The following CARD8 variants were observed in gnomAD, a reference collection of about 807,000 sequenced individuals.
CARD8 encodes caspase recruitment domain-containing protein 8.
In CARD8, 38 loss-of-function variants were observed where a neutral mutation model predicts 53.2. The observed-to-expected ratio is 0.71, with a 90% CI of 0.55 to 0.94. CARD8 has a LOEUF of 0.94. Ranked by LOEUF, CARD8 falls within the 40% of genes least tolerant of loss-of-function variation. The pLI is 0.00. For missense variants in CARD8, 561 were observed against 655.5 expected (o/e 0.86, Z 1.57); for synonymous variants, 245 against 244.9 (o/e 1.00, Z 0.00).
At chr19:48,231,881 G>T in intron 7 of CARD8, 71 bp from the exon 8 acceptor site, 2 of 1,372,772 alleles carry the variant, frequency 1.5e-6, no homozygotes, top group Non-Finnish European at 2.1e-6. Flanking sequence ...ACTCCTGGAG[G>T]CTGAATTGCA....
At chr19:48,243,504 T>C (rs1032390160) in intron 3 of CARD8, among the ~76,000 whole-genome samples, 2 of 152,224 alleles carry the variant, frequency 1.3e-5, no homozygotes, top group Admixed American at 6.5e-5. Context: ...TTTATTCATG[T>C]TTAATTATTA....
intron 4 of CARD8, among the ~76,000 whole-genome samples, chr19:48,240,450 A>G: frequency 6.6e-6 from 1 of 152,184 alleles, no homozygotes; most frequent in Admixed American, 6.5e-5. Context: ...AAGGTCAGAA[A>G]CAGGGAAGGA....
chr19:48,213,790 C>G (rs1431097067), intron 13 of CARD8, among the ~76,000 whole-genome samples: 2 of 152,314 alleles, frequency 1.3e-5, no homozygotes, highest in Non-Finnish European at 2.9e-5. Flanking sequence ...CCCACCGTTC[C>G]CCACTTCCTA....
At chr19:48,246,744 A>G (rs561273786) in intron 3 of CARD8, among the ~76,000 whole-genome samples, 19 of 152,318 alleles carry the variant, frequency 1.2e-4, no homozygotes, top group African/African-American at 4.1e-4. Context: ...TGAAGATTAA[A>G]GCTACTCTTG....
chr19:48,215,169 C>A, intron 13 of CARD8, 171 bp downstream of exon 13: 1 of 543,032 alleles, frequency 1.8e-6, no homozygotes, highest in Non-Finnish European at 3.4e-6. Flanking sequence ...TTATGCCCCT[C>A]AGTCAAATTC....
At chr19:48,220,434 C>T (rs550348930) in intron 11 of CARD8, among the ~76,000 whole-genome samples, 74 of 148,980 alleles carry the variant, frequency 5.0e-4, no homozygotes, top group African/African-American at 1.3e-3. Flanking sequence ...AGGAAAAAGC[C>T]ATCTACGCCA....
intron 6 of CARD8, 37 bp from the exon 7 acceptor site, chr19:48,232,530 A>G: frequency 6.6e-7 from 1 of 1,507,814 alleles, no homozygotes; most frequent in South Asian, 1.2e-5. Flanking sequence ...AAAAGATGAA[A>G]AACATCAAGA....
intron 11 of CARD8, among the ~76,000 whole-genome samples, chr19:48,220,740 C>T (rs1188980232): frequency 1.3e-5 from 2 of 151,784 alleles, no homozygotes; most frequent in African/African-American, 2.4e-5. Flanking sequence ...GGTGAAACCC[C>T]GTCTCTACTA....
chr19:48,246,390 C>G, intron 3 of CARD8, among the ~76,000 whole-genome samples: 1 of 152,038 alleles, frequency 6.6e-6, no homozygotes, highest in Admixed American at 6.6e-5. Flanking sequence ...CCCTTGTATT[C>G]AAAAACAGTA....
intron 10 of CARD8, among the ~76,000 whole-genome samples, chr19:48,228,062 C>T (rs961796408): frequency 8.5e-5 from 13 of 152,166 alleles, no homozygotes; most frequent in African/African-American, 2.9e-4. Context: ...GATTCTCATA[C>T]GAGCGTGAAC....
At chr19:48,220,091 T>C (rs767977079) in intron 11 of CARD8, among the ~76,000 whole-genome samples, 13 of 152,216 alleles carry the variant, frequency 8.5e-5, no homozygotes, top group South Asian at 4.1e-4. Context: ...GCAATGTTTA[T>C]GGAAGGTTCT....
intron 3 of CARD8, among the ~76,000 whole-genome samples, chr19:48,246,261 C>T (rs992541403): frequency 6.6e-6 from 1 of 152,200 alleles, no homozygotes; most frequent in South Asian, 2.1e-4. Context: ...GTTCAGTCAA[C>T]ATGCCCCGTC....
chr19:48,215,908 C>T (rs1184704882), intron 12 of CARD8, among the ~76,000 whole-genome samples: 2 of 152,068 alleles, frequency 1.3e-5, no homozygotes, highest in South Asian at 2.1e-4. Flanking sequence ...TTGATGTTTT[C>T]AAAGTTCAGA....
chr19:48,204,490 T>G (rs2037271448), downstream of CARD8, among the ~76,000 whole-genome samples: 4 of 151,788 alleles, frequency 2.6e-5, no homozygotes. Flanking sequence ...CAAGGGGAAG[T>G]GGAAACGCAG....
chr19:48,241,422 A>C (rs1192530825), intron 3 of CARD8, among the ~76,000 whole-genome samples: 1 of 152,016 alleles, frequency 6.6e-6, no homozygotes, highest in East Asian at 1.9e-4. Flanking sequence ...TACCCGGCTA[A>C]TTTTTCTATT....
chr19:48,217,375 C>T (rs1378344682), intron 12 of CARD8, among the ~76,000 whole-genome samples: 1 of 152,212 alleles, frequency 6.6e-6, no homozygotes, highest in Non-Finnish European at 1.5e-5. Flanking sequence ...CATTCCACAA[C>T]ATGTACTCAC....
At chr19:48,248,852 C>A (rs184895375) in intron 3 of CARD8, among the ~76,000 whole-genome samples, 2 of 152,118 alleles carry the variant, frequency 1.3e-5, no homozygotes, top group African/African-American at 2.4e-5. Context: ...AATACTGTAG[C>A]GCAGTTAACA....
chr19:48,208,036 T>A (rs1486916853), downstream of CARD8: 1 of 146,060 alleles, frequency 6.8e-6, no homozygotes, highest in African/African-American at 2.5e-5. Context: ...GCATCCGGCC[T>A]TCTATTTTTA....
downstream of CARD8, among the ~76,000 whole-genome samples, chr19:48,205,896 GATTTTT>G (rs1389963075): frequency 1.3e-5 from 2 of 151,830 alleles, no homozygotes; most frequent in African/African-American, 2.4e-5. Context: ...GTTGTTATAG[GATTTTT>G]ATTTTTATTT....
Sources: allele counts gnomAD v4.1 joint callset (sites outside exome capture counted in the v4.1 genomes callset), GRCh38; gene constraint gnomAD v4.1.1; transcripts MANE v1.5; gene names NCBI Gene and HGNC (gene_info 2026-07-23, HGNC 2026-07-21).